PRSS23: variants seen among roughly 807,000 people sequenced by gnomAD.
The protein encoded by PRSS23 is serine protease 23.
PRSS23 carries 25 observed loss-of-function variants against 34.7 expected under a neutral mutation model. That is an observed-to-expected ratio of 0.72 (90% CI 0.53 to 1.01). The LOEUF (loss-of-function observed/expected upper bound fraction) is 1.01. Among genes scored for constraint, PRSS23 ranks in the 50% least tolerant of loss-of-function variants. The pLI, the probability that PRSS23 is intolerant of heterozygous loss-of-function variation, is 0.00. For missense variants in PRSS23, 445 were observed against 475.6 expected (o/e 0.94, Z 0.60); for synonymous variants, 176 against 186.6 (o/e 0.94, Z 0.46).
At chr11:86,831,070 G>A (rs547883506) in intron 2 of PRSS23, among the ~76,000 whole-genome samples, 38 of 152,126 alleles carry the variant, frequency 2.5e-4, no homozygotes, top group Non-Finnish European at 2.9e-4. Flanking sequence ...TTTACAACTT[G>A]TAATACTATT....
chr11:86,862,925 G>T (rs1948626000), intron 2 of PRSS23, among the ~76,000 whole-genome samples: 1 of 151,934 alleles, frequency 6.6e-6, no homozygotes, highest in South Asian at 2.1e-4. Context: ...TACACCCAGT[G>T]ATATGATTTG....
At position 86,808,741 on chromosome 11, in the gene PRSS23, T is replaced by C. The variant is rs1171515093; in HGVS notation, c.1098T>C (p.Tyr366=). Residue 366 remains tyrosine, a synonymous_variant, in exon 2 of 2, where the codon TAT becomes TAC. Coordinates refer to ENST00000280258, the MANE Select transcript of PRSS23 (RefSeq NM_007173.6). ...CTGTCAGAATCACTCCTCTCAAATATGCCCAGATTTGCTATTGGATTAAAG... is the reference window on the plus strand; with the variant it reads ...CTGTCAGAATCACTCCTCTCAAATACGCCCAGATTTGCTATTGGATTAAAG... ...NVAVRITPLK[Y]AQICYWIKGN... The C allele has an allele frequency of 6.2e-7, 1 of 1,614,074 alleles. No individual in the cohort carries two copies. The highest frequency in any genetic ancestry group is 8.5e-7 in the Non-Finnish European group (1 of 1,179,950).
upstream of PRSS23, among the ~76,000 whole-genome samples, chr11:86,799,351 T>A (rs1191229649): frequency 6.6e-6 from 1 of 152,204 alleles, no homozygotes; most frequent in East Asian, 1.9e-4. Context: ...CACCTTGGTG[T>A]GAAATAGCAC....
chr11:86,862,286 A>G (rs1039650190), intron 2 of PRSS23, among the ~76,000 whole-genome samples: 1 of 151,832 alleles, frequency 6.6e-6, no homozygotes, highest in Non-Finnish European at 1.5e-5. Context: ...GTTACTCCTC[A>G]TGTGACAGCG....
At chr11:86,949,797 G>C (rs1204553142) in intron 2 of PRSS23, 1 of 152,606 alleles carries the variant, frequency 6.6e-6, no homozygotes, top group East Asian at 1.9e-4. Context: ...TGGCATTCTG[G>C]AGATTCATTA....
intron 2 of PRSS23, among the ~76,000 whole-genome samples, chr11:86,883,565 A>T (rs1240790794): frequency 6.6e-6 from 1 of 152,250 alleles, no homozygotes; most frequent in African/African-American, 2.4e-5. Context: ...AGGCAATACC[A>T]TTCAGGATGT....
chr11:86,865,657 G>C (rs1590901953), intron 2 of PRSS23, among the ~76,000 whole-genome samples: 1 of 152,152 alleles, frequency 6.6e-6, no homozygotes, highest in South Asian at 2.1e-4. Flanking sequence ...TCATCCACTT[G>C]TTGGCAGTTT....
intron 2 of PRSS23, among the ~76,000 whole-genome samples, chr11:86,842,935 G>A (rs1011491070): frequency 6.6e-6 from 1 of 152,086 alleles, no homozygotes; most frequent in Non-Finnish European, 1.5e-5. Context: ...AATTTCATAT[G>A]GAACCAAAAA....
intron 2 of PRSS23, among the ~76,000 whole-genome samples, chr11:86,906,880 C>G (rs115711795): frequency 1.3e-5 from 2 of 152,146 alleles, no homozygotes; most frequent in African/African-American, 2.4e-5. Flanking sequence ...AGAAATTAAA[C>G]AGTGCCTGAA....
intron 2 of PRSS23, among the ~76,000 whole-genome samples, chr11:86,831,228 T>G (rs1948352892): frequency 6.6e-6 from 1 of 152,148 alleles, no homozygotes; most frequent in African/African-American, 2.4e-5. Flanking sequence ...AAGGGAATAT[T>G]ACTCCTAATG....
At chr11:86,923,469 T>G (rs1426162575) in intron 2 of PRSS23, among the ~76,000 whole-genome samples, 1 of 152,218 alleles carries the variant, frequency 6.6e-6, no homozygotes, top group Non-Finnish European at 1.5e-5. Context: ...TTATACATTA[T>G]ATTTCTAATG....
chr11:86,813,493 A>T (rs1467119471), downstream of PRSS23, among the ~76,000 whole-genome samples: 1 of 152,170 alleles, frequency 6.6e-6, no homozygotes, highest in East Asian at 1.9e-4. Context: ...TTGCTGGGGG[A>T]TACAGTCAAA....
At chr11:86,843,478 A>G (rs1342285830) in intron 2 of PRSS23, among the ~76,000 whole-genome samples, 1 of 152,242 alleles carries the variant, frequency 6.6e-6, no homozygotes, top group Non-Finnish European at 1.5e-5. Context: ...ATCAGAGTGA[A>G]CAGGCAACCT....
intron 2 of PRSS23, among the ~76,000 whole-genome samples, chr11:86,901,512 T>C (rs1403976406): frequency 2.0e-5 from 3 of 152,158 alleles, no homozygotes; most frequent in Non-Finnish European, 4.4e-5. Context: ...AGGTTGACTG[T>C]CTTCTGCTTC....
chr11:86,812,736 C>G (rs1334886797), downstream of PRSS23, among the ~76,000 whole-genome samples: 1 of 130,956 alleles, frequency 7.6e-6, no homozygotes, highest in African/African-American at 2.9e-5. Flanking sequence ...TGCAATGAGC[C>G]AAAATTATGC....
In PRSS23 at chr11:86,808,921, T is replaced by C. The variant is rs1948144382; in HGVS notation, c.*126T>C. 1.3e-6 allele frequency: 1 copy of C among 789,438 alleles called. No homozygotes were observed. Among genetic ancestry groups the C allele is most frequent in the Non-Finnish European group, 2.0e-6 (1 of 496,310 alleles). 48.9% of individuals were successfully genotyped at this position (789,438 alleles called of 1,614,324 possible). On this transcript the variant is annotated 3_prime_UTR_variant, in exon 2 of 2. Transcript: ENST00000280258. ...GTGTGTGTGTGTGTAAGGTGTCTTA[T>C]AATCTTTTACCTATTTCTTACAATT...
At chr11:86,896,786 G>A (rs929650912) in intron 2 of PRSS23, among the ~76,000 whole-genome samples, 2 of 152,206 alleles carry the variant, frequency 1.3e-5, no homozygotes, top group African/African-American at 4.8e-5. Flanking sequence ...CTGAAGCCTT[G>A]GCAAAAGCCC....
chr11:86,830,108 G>A (rs1248037136), intron 2 of PRSS23, among the ~76,000 whole-genome samples: 2 of 152,298 alleles, frequency 1.3e-5, no homozygotes, highest in South Asian at 4.1e-4. Context: ...AGCCTACAGA[G>A]GCAGGCAGGC....
At chr11:86,952,099 A>G in exon 3 of PRSS23, 1 of 1,614,078 alleles carries the variant, frequency 6.2e-7, no homozygotes, top group Non-Finnish European at 8.5e-7. Context: ...TCCAGATATC[A>G]GTGAACTCCT....
Sources: allele counts gnomAD v4.1 joint callset (sites outside exome capture counted in the v4.1 genomes callset), GRCh38; gene constraint gnomAD v4.1.1; transcripts MANE v1.5; gene names NCBI Gene and HGNC (gene_info 2026-07-23, HGNC 2026-07-21).